Variants in DOCK7 observed in about 807,000 individuals in gnomAD.
The protein encoded by DOCK7 is dedicator of cytokinesis 7, also known as dedicator of cytokinesis protein 7.
DOCK7 carries 138 observed loss-of-function variants against 271.0 expected under a neutral mutation model. The ratio of observed to expected loss-of-function variants is 0.51; its 90% CI spans 0.44 to 0.59. The LOEUF (loss-of-function observed/expected upper bound fraction) is 0.59. Ranked by LOEUF, DOCK7 falls within the 20% of genes least tolerant of loss-of-function variation. DOCK7 has a pLI of 0.00. For synonymous variants in DOCK7, 823 were observed against 876.1 expected (o/e 0.94, Z 1.07); for missense variants, 2,066 against 2,592.4 (o/e 0.80, Z 4.41).
Position 62,642,986 on chromosome 1 carries a change from A to T in DOCK7, c.818+4705T>A, listed in dbSNP as rs139918581. On this transcript the variant is annotated intron_variant, in intron 7 of 49. Coordinates refer to ENST00000635253, the MANE Select transcript of DOCK7 (RefSeq NM_001367561.1). Reference sequence around the variant, plus strand: ...TGTGATTTGTTTTGATCAATAAATGATATGCTGTAAGAGTTTTAATCCAAG... The same window carrying T: ...TGTGATTTGTTTTGATCAATAAATGTTATGCTGTAAGAGTTTTAATCCAAG... Among the ~76,000 whole-genome samples the T allele has an allele frequency of 7.9e-4, 115 of 146,246 alleles. 2 individuals are homozygous for T. The highest frequency in any genetic ancestry group is 3.0e-3 in the African/African-American group (113 of 37,624).
At chr1:62,551,781 T>C (rs1055788698) in intron 22 of DOCK7, among the ~76,000 whole-genome samples, 10 of 151,552 alleles carry the variant, frequency 6.6e-5, no homozygotes, top group African/African-American at 1.9e-4. Flanking sequence ...GAAACTACCT[T>C]GTATTTATAT....
intron 17 of DOCK7, 88 bp downstream of exon 17, chr1:62,578,740 C>T: frequency 1.7e-6 from 1 of 573,338 alleles, no homozygotes. Context: ...AAAAAAAAAA[C>T]CCACAAATGA....
chr1:62,578,988 A>G, intron 16 of DOCK7, 22 bp from the exon 17 acceptor site: 1 of 1,503,416 alleles, frequency 6.7e-7, no homozygotes, highest in Admixed American at 2.4e-5. Context: ...AAAAAAAAAA[A>G]ATCAACAGTC....
intron 31 of DOCK7, among the ~76,000 whole-genome samples, chr1:62,518,258 C>CA (rs1644731821): frequency 1.3e-5 from 2 of 151,398 alleles, no homozygotes; most frequent in Admixed American, 1.3e-4. Flanking sequence ...CAACATAGTG[C>CA]AACTCATCTC....
intron 28 of DOCK7, 150 bp downstream of exon 28, chr1:62,537,741 G>T: frequency 3.0e-6 from 2 of 671,384 alleles, no homozygotes; most frequent in South Asian, 3.6e-5. Context: ...GAGTTATTCT[G>T]AGGATTAAAT....
At chr1:62,524,078 C>A (rs1314573074) in intron 31 of DOCK7, among the ~76,000 whole-genome samples, 2 of 152,058 alleles carry the variant, frequency 1.3e-5, no homozygotes, top group Non-Finnish European at 2.9e-5. Context: ...GAACTCTAGA[C>A]ACTTCAAAAG....
chr1:62,660,633 G>A (rs2149710856), intron 2 of DOCK7, among the ~76,000 whole-genome samples: 1 of 152,002 alleles, frequency 6.6e-6, no homozygotes, highest in East Asian at 1.9e-4. Flanking sequence ...TCCAGTTCTA[G>A]GTATATACCC....
intron 28 of DOCK7, among the ~76,000 whole-genome samples, chr1:62,536,252 T>C (rs978977005): frequency 1.3e-5 from 2 of 152,166 alleles, no homozygotes; most frequent in African/African-American, 4.8e-5. Flanking sequence ...CTAATAAGAA[T>C]ATAAAACTCT....
chr1:62,652,582 A>G (rs1657522227), intron 4 of DOCK7, among the ~76,000 whole-genome samples: 1 of 152,156 alleles, frequency 6.6e-6, no homozygotes, highest in South Asian at 2.1e-4. Context: ...CAGTAAACCC[A>G]TAAATGTTAA....
chr1:62,488,955 T>C lies in DOCK7; in HGVS notation c.5472A>G (p.Ala1824=), dbSNP rs1057068067. 8.7e-6 allele frequency: 14 copies of C among 1,613,734 alleles called. No homozygotes were observed. The highest frequency in any genetic ancestry group is 1.2e-5 in the Non-Finnish European group (14 of 1,179,906). Residue 1824 remains alanine (A), a synonymous_variant, in exon 42 of 50, where the codon GCA becomes GCG. Transcript: ENST00000635253. ...TTACCTGATGAACAATTTTGCTGAATGCTTCTTGAAGTTTACCATGAATTG... is the reference window on the plus strand; with the variant it reads ...TTACCTGATGAACAATTTTGCTGAACGCTTCTTGAAGTTTACCATGAATTG... ...LSTIHGKLQE[A]FSKIVHQSTG... is the part of the protein sequence containing the mutation.
intron 49 of DOCK7, 88 bp from the exon 50 acceptor site, chr1:62,455,544 T>C (rs1645323735): frequency 1.5e-6 from 2 of 1,297,860 alleles, no homozygotes; most frequent in South Asian, 2.5e-5. Flanking sequence ...TTTCTGCCAG[T>C]TACCTTAAAG....
chr1:62,475,163 C>T (rs752324764), intron 47 of DOCK7, 45 bp downstream of exon 47: 60 of 1,546,164 alleles, frequency 3.9e-5, no homozygotes, highest in East Asian at 9.4e-5. Flanking sequence ...TATCCCAAAT[C>T]GTATTTACAG....
At chr1:62,615,883 A>C (rs1652376428) in intron 14 of DOCK7, among the ~76,000 whole-genome samples, 1 of 151,786 alleles carries the variant, frequency 6.6e-6, no homozygotes. Flanking sequence ...ATATGCTATA[A>C]TTCATTTTTA....
intron 14 of DOCK7, among the ~76,000 whole-genome samples, chr1:62,593,399 G>A (rs567152294): frequency 6.6e-5 from 10 of 152,046 alleles, no homozygotes; most frequent in South Asian, 4.2e-4. Flanking sequence ...GTGAAACCCC[G>A]TCTCTACTAA....
At chr1:62,623,767 A>G (rs1653579012) in intron 12 of DOCK7, among the ~76,000 whole-genome samples, 2 of 152,216 alleles carry the variant, frequency 1.3e-5, no homozygotes, top group African/African-American at 4.8e-5. Context: ...ACTGTCCATA[A>G]TAAAAAGACC....
chr1:62,624,041 A>T (rs1262839475), intron 12 of DOCK7, among the ~76,000 whole-genome samples: 1 of 152,096 alleles, frequency 6.6e-6, no homozygotes, highest in Non-Finnish European at 1.5e-5. Flanking sequence ...TTTTCCCTTA[A>T]TCCACTCCAA....
At chr1:62,635,088 TA>T (rs1475263874) in intron 8 of DOCK7, 166 bp from the exon 9 acceptor site, 5 of 426,044 alleles carry the variant, frequency 1.2e-5, no homozygotes, top group Non-Finnish European at 2.1e-5. Flanking sequence ...CTTAATAAAT[TA>T]AATTTCTATT....
At chr1:62,614,273 T>G (rs1652170930) in intron 14 of DOCK7, among the ~76,000 whole-genome samples, 1 of 152,110 alleles carries the variant, frequency 6.6e-6, no homozygotes, top group Admixed American at 6.6e-5. Flanking sequence ...TACATCCCTT[T>G]TCGTCATTCC....
At chr1:62,527,688 T>C (rs897086602) in intron 31 of DOCK7, among the ~76,000 whole-genome samples, 7 of 132,322 alleles carry the variant, frequency 5.3e-5, no homozygotes, top group African/African-American at 2.0e-4. Context: ...TGAGAACACA[T>C]GGACACAGGA....
Sources: allele counts gnomAD v4.1 joint callset (sites outside exome capture counted in the v4.1 genomes callset), GRCh38; gene constraint gnomAD v4.1.1; transcripts MANE v1.5; gene names NCBI Gene and HGNC (gene_info 2026-07-23, HGNC 2026-07-21).